The following EPHB2 variants were observed in gnomAD, a reference collection of about 807,000 sequenced individuals.
The protein encoded by EPHB2 is ephrin type-B receptor 2.
EPHB2 carries 18 observed loss-of-function variants against 96.4 expected under a neutral mutation model. That is an observed-to-expected ratio of 0.19 (90% CI 0.13 to 0.28). EPHB2 has a LOEUF of 0.28. Among genes scored for constraint, EPHB2 ranks in the 10% least tolerant of loss-of-function variants. The probability of loss-of-function intolerance (pLI) is 1.00; values close to 1 mark genes in which losing one functional copy is unlikely to be tolerated. For missense variants in EPHB2, 989 were observed against 1,355.4 expected (o/e 0.73, Z 4.25); for synonymous variants, 506 against 534.1 (o/e 0.95, Z 0.72).
intron 1 of EPHB2, among the ~76,000 whole-genome samples, chr1:22,762,787 C>A (rs2148396539): frequency 6.6e-6 from 1 of 152,300 alleles, no homozygotes. Flanking sequence ...TCATGATTTT[C>A]TGTGAAATGG....
At chr1:22,718,800 GA>G (rs1162902105) in intron 1 of EPHB2, among the ~76,000 whole-genome samples, 1 of 152,142 alleles carries the variant, frequency 6.6e-6, no homozygotes, top group Non-Finnish European at 1.5e-5. Context: ...TTACAGATGA[GA>G]AAACCAAAGC....
intron 3 of EPHB2, among the ~76,000 whole-genome samples, chr1:22,859,965 C>A (rs1400609598): frequency 6.6e-6 from 1 of 152,200 alleles, no homozygotes; most frequent in Non-Finnish European, 1.5e-5. Flanking sequence ...AACCACGCAT[C>A]GACTTTCTGT....
chr1:22,742,042 G>A (rs951715699), intron 1 of EPHB2, among the ~76,000 whole-genome samples: 6 of 145,706 alleles, frequency 4.1e-5, no homozygotes, highest in Non-Finnish European at 6.1e-5. Flanking sequence ...TCTGAGGCTC[G>A]GAAAGAACAG....
At chr1:22,741,690 A>AC (rs1643905766) in intron 1 of EPHB2, among the ~76,000 whole-genome samples, 1 of 133,706 alleles carries the variant, frequency 7.5e-6, no homozygotes, top group African/African-American at 3.1e-5. Context: ...AAAAAAAAAC[A>AC]AAAAAACAAA....
chr1:22,715,202 G>A (rs1300974176), intron 1 of EPHB2, among the ~76,000 whole-genome samples: 1 of 152,234 alleles, frequency 6.6e-6, no homozygotes, highest in Non-Finnish European at 1.5e-5. Flanking sequence ...ATATGGAGAT[G>A]GAGGGAAGTC....
chr1:22,857,181 A>G (rs1453014387), intron 3 of EPHB2, among the ~76,000 whole-genome samples: 1 of 152,144 alleles, frequency 6.6e-6, no homozygotes, highest in East Asian at 1.9e-4. Flanking sequence ...GGGTTTAATG[A>G]TCTCAAGTTG....
chr1:22,868,810 G>T (rs1262541289), intron 5 of EPHB2, among the ~76,000 whole-genome samples: 2 of 152,182 alleles, frequency 1.3e-5, no homozygotes, highest in Non-Finnish European at 2.9e-5. Flanking sequence ...AAGAACTGGG[G>T]TCATTGTTCT....
rs779646424 is a variant in EPHB2, at chr1:22,785,050, C to G, written c.785C>G (p.Ala262Gly). 3 of 1,613,620 alleles carry G rather than the reference C, an allele frequency of 1.9e-6. No homozygotes were observed. Among genetic ancestry groups the G allele is most frequent in the Non-Finnish European group, 8.5e-7 (1 of 1,180,040 alleles). Residue 262 changes from alanine (A) to glycine (G), a missense_variant, in exon 3 of 16, where the codon GCC becomes GGC. Coordinates refer to ENST00000374630, the MANE Select transcript of EPHB2 (RefSeq NM_017449.5). ...TGCATGTGCAAAGCAGGCTTCGAGG[C>G]CGTTGAGAATGGCACCGTCTGCCGA... ...GRCMCKAGFE[A>G]VENGTVCRGC...
intron 9 of EPHB2, among the ~76,000 whole-genome samples, chr1:22,904,100 C>T (rs1639832255): frequency 6.6e-6 from 1 of 152,102 alleles, no homozygotes; most frequent in Admixed American, 6.5e-5. Context: ...CCAGCCTGGC[C>T]AACATGGCAA....
chr1:22,852,415 A>G (rs1359746692), intron 3 of EPHB2, among the ~76,000 whole-genome samples: 1 of 152,180 alleles, frequency 6.6e-6, no homozygotes, highest in Non-Finnish European at 1.5e-5. Context: ...TCCTTCCTTA[A>G]TTGCTTCACC....
At chr1:22,900,431 A>G (rs2124058578) in intron 9 of EPHB2, among the ~76,000 whole-genome samples, 1 of 152,282 alleles carries the variant, frequency 6.6e-6, no homozygotes, top group Non-Finnish European at 1.5e-5. Flanking sequence ...CTTTACATGT[A>G]TTTATTCATT....
At chr1:22,885,835 C>T (rs564816070) in intron 6 of EPHB2, among the ~76,000 whole-genome samples, 5 of 152,132 alleles carry the variant, frequency 3.3e-5, no homozygotes, top group East Asian at 1.9e-4. Flanking sequence ...TGTGATGAGA[C>T]GTGGCCCTAC....
chr1:22,720,268 G>C (rs1368549133), intron 1 of EPHB2, among the ~76,000 whole-genome samples: 1 of 152,186 alleles, frequency 6.6e-6, no homozygotes, highest in Non-Finnish European at 1.5e-5. Flanking sequence ...TTCATCCCAG[G>C]CTTCCTCATC....
chr1:22,812,656 C>G (rs1215640548), intron 3 of EPHB2, among the ~76,000 whole-genome samples: 1 of 152,208 alleles, frequency 6.6e-6, no homozygotes, highest in African/African-American at 2.4e-5. Context: ...GGGTCCTGGC[C>G]TCAGGCTCTC....
intron 1 of EPHB2, among the ~76,000 whole-genome samples, chr1:22,720,456 C>G (rs1309514258): frequency 6.6e-6 from 1 of 152,196 alleles, no homozygotes; most frequent in Admixed American, 6.5e-5. Context: ...GTGCCCGCCC[C>G]TGCACCCTGT....
intron 1 of EPHB2, among the ~76,000 whole-genome samples, chr1:22,738,109 C>A (rs1643865869): frequency 6.6e-6 from 1 of 152,186 alleles, no homozygotes; most frequent in South Asian, 2.1e-4. Context: ...GAGAATTCTC[C>A]ACTTAGGGGC....
intron 13 of EPHB2, 75 bp from the exon 14 acceptor site, chr1:22,910,307 G>A (rs967752956): frequency 1.3e-6 from 2 of 1,582,238 alleles, no homozygotes; most frequent in African/African-American, 1.3e-5. Context: ...TGTACTGGGG[G>A]TAAGATGGGC....
Position 22,906,613 on chromosome 1 carries a change from T to C in EPHB2, c.1889-97T>C, listed in dbSNP as rs1044895814. The stretch of plus-strand genomic sequence containing the variant: ...TGAGTGGGCCATTGAGAAGAAAATG[T>C]ACCTGCAGGCCCCGTGAGTGGACAT... On this transcript the variant is annotated intron_variant, in intron 10 of 15. Transcript: ENST00000374630. The surrounding 1 kb of genome is among the most constrained non-coding windows in gnomAD (Gnocchi z 4.8). The C allele has an allele frequency of 6.4e-6, 10 of 1,574,510 alleles. No individual in the cohort carries two copies. The African/African-American group carries it at 1.3e-4, about 21-fold the overall frequency.
rs573153111 is a variant in EPHB2, at chr1:22,806,191, G to A, written c.811+21115G>A. Among the ~76,000 whole-genome samples, 6 of 152,330 alleles carry A rather than the reference G, an allele frequency of 3.9e-5. No homozygotes were observed. In the East Asian group the frequency reaches 5.8e-4, roughly 15 times the overall value. On this transcript the variant is annotated intron_variant, in intron 3 of 15. Transcript: ENST00000374630. ...TAATAGCCATTGATGTTTGTAAAGT[G>A]CACAGGGCAAACACTTTATAACTCA...
Sources: gnomAD v4.1 joint callset for allele counts (sites outside exome capture counted in the v4.1 genomes callset) on GRCh38, gnomAD v4.1.1 for gene constraint, Gnocchi (gnomAD v3.1) non-coding constraint, MANE v1.5 for transcripts, NCBI Gene and HGNC (gene_info 2026-07-23, HGNC 2026-07-21) for gene names.